Variants in TMEM39B observed in about 807,000 individuals in gnomAD.
The protein encoded by TMEM39B is transmembrane protein 39B.
In TMEM39B, 23 loss-of-function variants were observed where a neutral mutation model predicts 52.2. The observed-to-expected ratio is 0.44, with a 90% CI of 0.32 to 0.62. The LOEUF (loss-of-function observed/expected upper bound fraction) is 0.62, where lower values mean the gene tolerates loss of function less well. Ranked by LOEUF, TMEM39B falls within the 20% of genes least tolerant of loss-of-function variation. The pLI is 0.06. For synonymous variants in TMEM39B, 285 were observed against 264.0 expected, an observed-to-expected ratio of 1.08 and a Z score of -0.77; for missense variants, 547 against 642.0, an observed-to-expected ratio of 0.85 and a Z score of 1.60.
At chr1:32,086,380 CT>C (rs1640350720) in intron 5 of TMEM39B, among the ~76,000 whole-genome samples, 1 of 152,124 alleles carries the variant, frequency 6.6e-6, no homozygotes, top group East Asian at 1.9e-4. Context: ...ACTAGCCCCC[CT>C]GGTTATTGAG....
At chr1:32,082,107 CT>C (rs1017368266) in intron 5 of TMEM39B, among the ~76,000 whole-genome samples, 1 of 150,386 alleles carries the variant, frequency 6.6e-6, no homozygotes. Flanking sequence ...TATCCCTATA[CT>C]TTTTTTTTCC....
chr1:32,089,775 C>T (rs982770110), intron 5 of TMEM39B, among the ~76,000 whole-genome samples: 6 of 151,280 alleles, frequency 4.0e-5, no homozygotes, highest in African/African-American at 1.2e-4. Flanking sequence ...CAGTAGCTGA[C>T]GCCTGTAATC....
intron 6 of TMEM39B, among the ~76,000 whole-genome samples, chr1:32,093,939 C>T (rs1175598421): frequency 6.6e-6 from 1 of 151,720 alleles, no homozygotes; most frequent in East Asian, 1.9e-4. Context: ...CTGCGTCAGC[C>T]TCCTGAGTAG....
At chr1:32,074,659 G>C (rs772135221) in intron 1 of TMEM39B, among the ~76,000 whole-genome samples, 7 of 152,142 alleles carry the variant, frequency 4.6e-5, no homozygotes, top group Non-Finnish European at 8.8e-5. Flanking sequence ...ATGGCAGTCC[G>C]GGAAAGGCTT....
intron 5 of TMEM39B, among the ~76,000 whole-genome samples, chr1:32,089,945 C>T (rs991603015): frequency 1.3e-5 from 2 of 151,666 alleles, no homozygotes; most frequent in Admixed American, 1.3e-4. Context: ...GGGAGAATCG[C>T]TTGAACCCAG....
intron 5 of TMEM39B, among the ~76,000 whole-genome samples, chr1:32,087,319 CA>C (rs1207083221): frequency 0.013 from 381 of 28,984 alleles, no homozygotes; most frequent in African/African-American, 0.036. Context: ...CTCCGTCTCA[CA>C]AAAAAAAAAA....
intron 5 of TMEM39B, among the ~76,000 whole-genome samples, chr1:32,089,555 A>G (rs1401943012): frequency 1.3e-5 from 2 of 151,940 alleles, no homozygotes; most frequent in Admixed American, 6.6e-5. Context: ...TCCCTATTTT[A>G]TAGACTGGAA....
At chr1:32,099,370 G>A (rs1640933758) in intron 7 of TMEM39B, among the ~76,000 whole-genome samples, 1 of 152,110 alleles carries the variant, frequency 6.6e-6, no homozygotes, top group Non-Finnish European at 1.5e-5. Flanking sequence ...TAATGTAAAT[G>A]ACGAGTTAAT....
chr1:32,097,565 C>T (rs2124496974), intron 7 of TMEM39B, among the ~76,000 whole-genome samples: 1 of 152,070 alleles, frequency 6.6e-6, no homozygotes, highest in South Asian at 2.1e-4. Context: ...CTCCCAACCT[C>T]GTGATCTGCC....
At chr1:32,074,407 T>C (rs1639765940) in intron 1 of TMEM39B, among the ~76,000 whole-genome samples, 1 of 152,140 alleles carries the variant, frequency 6.6e-6, no homozygotes, top group Non-Finnish European at 1.5e-5. Context: ...TCCTAATGTG[T>C]GAAAAACCTA....
At chr1:32,095,343 A>G (rs960232413) in intron 7 of TMEM39B, among the ~76,000 whole-genome samples, 1 of 152,144 alleles carries the variant, frequency 6.6e-6, no homozygotes, top group Non-Finnish European at 1.5e-5. Flanking sequence ...CTTCCACCCA[A>G]TCCATACCAG....
At chr1:32,075,859 TGTGTGC>T (rs1213703492) in intron 3 of TMEM39B, 37 bp downstream of exon 3, 22 of 1,270,394 alleles carry the variant, frequency 1.7e-5, no homozygotes, top group Non-Finnish European at 2.2e-5. Flanking sequence ...TGTGTGTGTG[TGTGTGC>T]GTGTGTGTGT....
intron 6 of TMEM39B, among the ~76,000 whole-genome samples, chr1:32,094,378 G>T (rs1640734339): frequency 6.6e-6 from 1 of 151,874 alleles, no homozygotes; most frequent in African/African-American, 2.4e-5. Flanking sequence ...GCCCACCTCG[G>T]CCTCCCAAAG....
chr1:32,091,946 G>A lies in TMEM39B; in HGVS notation c.862G>A (p.Glu288Lys), dbSNP rs1456877781. Residue 288 changes from glutamate to lysine, a missense_variant, in exon 6 of 9, where the codon GAA becomes AAA. Coordinates refer to ENST00000336294, the MANE Select transcript of TMEM39B (RefSeq NM_018056.4). ...LKMDFNWRMK[E>K]VLVSSMLSAY... ...GATGGACTTCAACTGGCGCATGAAG[G>A]AAGTGCTCGTCAGCTCCATGCTGAG... The A allele has an allele frequency of 1.9e-6, 3 of 1,614,224 alleles. No individual in the cohort carries two copies. Among genetic ancestry groups the A allele is most frequent in the Non-Finnish European group, 2.5e-6 (3 of 1,180,036 alleles).
At chr1:32,073,189 GCCC>G (rs1304680434) in intron 1 of TMEM39B, 138 bp downstream of exon 1, 1 of 1,144,156 alleles carries the variant, frequency 8.7e-7, no homozygotes. Context: ...ACGGGATCCC[GCCC>G]CCTCCTGTCG....
intron 1 of TMEM39B, chr1:32,073,990 C>A: frequency 1.4e-6 from 1 of 711,604 alleles, no homozygotes; most frequent in Non-Finnish European, 1.7e-6. Flanking sequence ...CTCAAGCGAT[C>A]CTCCCGCCTC....
At position 32,077,235 on chromosome 1, in the gene TMEM39B, G is replaced by A. The variant is rs750944550; in HGVS notation, c.507G>A (p.Thr169=). The change falls in exon 5 of 9, where the codon ACG becomes ACA. Residue 169 remains threonine, a synonymous_variant. Coordinates refer to ENST00000336294, the MANE Select transcript of TMEM39B (RefSeq NM_018056.4). ...TCCTCACTCGCTTCACCGTTCTCACGGCAACAGGCTGGAGTCTGTGCCGAT... is the reference window on the plus strand; with the variant it reads ...TCCTCACTCGCTTCACCGTTCTCACAGCAACAGGCTGGAGTCTGTGCCGAT... ...LLFLTRFTVL[T]ATGWSLCRSL... 3.7e-6 allele frequency: 6 copies of A among 1,614,034 alleles called. No individual in the cohort carries two copies. Among genetic ancestry groups the A allele is most frequent in the Admixed American group, 3.3e-5 (2 of 59,994 alleles).
At chr1:32,085,989 C>G (rs997604460) in intron 5 of TMEM39B, among the ~76,000 whole-genome samples, 1 of 151,962 alleles carries the variant, frequency 6.6e-6, no homozygotes. Context: ...GACTGGCAGG[C>G]TTTGCTTTGA....
In TMEM39B at chr1:32,076,808, G is replaced by A. The variant is rs1285327600; in HGVS notation, c.397G>A (p.Val133Ile). Residue 133 changes from valine to isoleucine, a missense_variant, in exon 4 of 9, where the codon GTT (valine) becomes ATT (isoleucine). Val to Ile is a conservative substitution (Grantham distance 29, BLOSUM62 3). Transcript: ENST00000336294. Reference sequence around the variant, plus strand: ...CAACTTGCTGATGGTGACCACCATCGTTCTGGGCCGCCGCTTCATTGGGTC... The same window carrying A: ...CAACTTGCTGATGGTGACCACCATCATTCTGGGCCGCCGCTTCATTGGGTC... ...DFNLLMVTTI[V>I]LGRRFIGSIV... The A allele has an allele frequency of 6.2e-6, 10 of 1,614,080 alleles. No homozygotes were observed. The highest frequency in any genetic ancestry group is 1.1e-5 in the South Asian group (1 of 91,076).
Sources: allele counts gnomAD v4.1 joint callset (sites outside exome capture counted in the v4.1 genomes callset), GRCh38; gene constraint gnomAD v4.1.1; transcripts MANE v1.5; gene names NCBI Gene and HGNC (gene_info 2026-07-23, HGNC 2026-07-21).